DLC1: variants seen among roughly 807,000 people sequenced by gnomAD.
DLC1 encodes the protein rho GTPase-activating protein 7.
Under a neutral mutation model 140.3 loss-of-function variants are expected in DLC1, and 54 were observed. That is an observed-to-expected ratio of 0.38 (90% CI 0.31 to 0.48). The LOEUF (loss-of-function observed/expected upper bound fraction) is 0.48, where lower values mean the gene tolerates loss of function less well. Ranked by LOEUF, DLC1 falls within the 20% of genes least tolerant of loss-of-function variation. DLC1 has a pLI of 0.96. For missense variants in DLC1, 2,536 were observed against 1,907.0 expected (o/e 1.33, Z -6.14); for synonymous variants, 986 against 728.1 (o/e 1.35, Z -5.70).
intron 5 of DLC1, among the ~76,000 whole-genome samples, chr8:13,201,726 A>G (rs1827389508): frequency 6.6e-6 from 1 of 152,104 alleles, no homozygotes. Context: ...TGAACTCCTC[A>G]TCTTTGATAG....
chr8:13,588,222 A>G (rs900069), intron 1 of DLC1, among the ~76,000 whole-genome samples: 6,346 of 152,210 alleles, frequency 0.042, 425 homozygotes, highest in African/African-American at 0.14. Context: ...GGGGTTAAAA[A>G]AATAGACAAA....
chr8:13,181,291 C>T (rs1046716203), intron 5 of DLC1, among the ~76,000 whole-genome samples: 2 of 151,666 alleles, frequency 1.3e-5, no homozygotes, highest in Non-Finnish European at 2.9e-5. Context: ...ACTCAATTGT[C>T]ACTGTCTCAG....
In DLC1 at chr8:13,085,929, C is replaced by T; in HGVS notation, c.4469G>A (p.Gly1490Asp). The change falls in exon 18 of 18, where the codon GGC (glycine) becomes GAC (aspartate). Residue 1490 changes from glycine (G) to aspartate (D), a missense_variant and splice_region_variant. By Grantham distance (94) the Gly-to-Asp change is moderately conservative. Coordinates refer to ENST00000276297, the MANE Select transcript of DLC1 (RefSeq NM_182643.3). ...TTTTGTGTACCATTCTGGCATGTGG[C>T]CCCTATCAGAGAAAAGAAAGAAAAG... is the stretch of plus-strand genomic sequence containing the variant. ...LTYMCRVDLRGHMPEWYTKSF... is the reference protein window; with the variant it reads ...LTYMCRVDLRDHMPEWYTKSF... 6.2e-7 allele frequency: 1 copy of T among 1,612,782 alleles called. No homozygotes were observed. Among genetic ancestry groups the T allele is most frequent in the South Asian group, 1.1e-5 (1 of 90,838 alleles).
At chr8:13,244,297 AT>A (rs60357765) in intron 5 of DLC1, among the ~76,000 whole-genome samples, 10,140 of 135,856 alleles carry the variant, frequency 0.075, 309 homozygotes, top group South Asian at 0.14. Context: ...TCCCTTTCCA[AT>A]TTTTTTTTTT....
chr8:13,320,436 T>A (rs1039300552), intron 4 of DLC1, among the ~76,000 whole-genome samples: 1 of 152,194 alleles, frequency 6.6e-6, no homozygotes, highest in Non-Finnish European at 1.5e-5. Context: ...AAGAAAGCGT[T>A]TGTAGCATAT....
intron 1 of DLC1, chr8:13,535,990 T>C (rs1383883): frequency 0.1 from 15,663 of 152,096 alleles, 1,579 homozygotes; most frequent in East Asian, 0.45. Context: ...TTGGATGTTG[T>C]ACAGAGGTTC....
chr8:13,471,699 A>G (rs1800216373), intron 2 of DLC1, among the ~76,000 whole-genome samples: 1 of 152,170 alleles, frequency 6.6e-6, no homozygotes, highest in South Asian at 2.1e-4. Flanking sequence ...AGTTAAAAAA[A>G]GAGAGAAGGG....
chr8:13,363,095 G>A (rs879481829), intron 4 of DLC1, among the ~76,000 whole-genome samples: 1 of 152,090 alleles, frequency 6.6e-6, no homozygotes, highest in Non-Finnish European at 1.5e-5. Context: ...CTTTGTGGGG[G>A]ATGTAAACAT....
intron 4 of DLC1, among the ~76,000 whole-genome samples, chr8:13,345,238 T>C (rs1299938211): frequency 6.6e-6 from 1 of 152,140 alleles, no homozygotes; most frequent in Non-Finnish European, 1.5e-5. Context: ...GTAAAACTGT[T>C]TCTCCTTCCC....
intron 5 of DLC1, among the ~76,000 whole-genome samples, chr8:13,225,616 ATT>A (rs869199348): frequency 3.8e-3 from 529 of 139,540 alleles, no homozygotes; most frequent in African/African-American, 0.013. Flanking sequence ...TATTTATTTA[ATT>A]TTTTTTTTTT....
chr8:13,599,717 C>A (rs1805806529), intron 1 of DLC1, among the ~76,000 whole-genome samples: 1 of 151,864 alleles, frequency 6.6e-6, no homozygotes, highest in South Asian at 2.1e-4. Flanking sequence ...GTAATGATGT[C>A]AACTCTATCC....
intron 5 of DLC1, among the ~76,000 whole-genome samples, chr8:13,188,824 TATGTATATATATATATATA>T (rs1205488505): frequency 1.2e-4 from 5 of 41,360 alleles, no homozygotes; most frequent in South Asian, 8.1e-4. Context: ...TATATATATA[TATGTATATATATATATATA>T]TTTTTTTTTT....
At chr8:13,339,662 T>C (rs568494343) in intron 4 of DLC1, 94 of 152,276 alleles carry the variant, frequency 6.2e-4, no homozygotes, top group African/African-American at 2.1e-3. Flanking sequence ...ACCTCTAAAA[T>C]TGCATGCCAA....
At chr8:13,332,721 CT>C (rs1159600604) in intron 4 of DLC1, among the ~76,000 whole-genome samples, 3 of 152,096 alleles carry the variant, frequency 2.0e-5, no homozygotes, top group Non-Finnish European at 4.4e-5. Flanking sequence ...GTCTGGCCCA[CT>C]ATTCATGGAT....
chr8:13,359,824 T>C (rs902443418), intron 4 of DLC1, among the ~76,000 whole-genome samples: 2 of 152,206 alleles, frequency 1.3e-5, no homozygotes, highest in Non-Finnish European at 2.9e-5. Context: ...TGAGATGTGA[T>C]TGTAACTTTG....
At chr8:13,205,622 T>A (rs1460357776) in intron 5 of DLC1, among the ~76,000 whole-genome samples, 1 of 151,720 alleles carries the variant, frequency 6.6e-6, no homozygotes, top group Non-Finnish European at 1.5e-5. Flanking sequence ...AAAAAAAAAA[T>A]AGCAAAAAAT....
intron 5 of DLC1, among the ~76,000 whole-genome samples, chr8:13,217,085 C>G (rs533110187): frequency 5.9e-5 from 9 of 152,108 alleles, no homozygotes; most frequent in African/African-American, 2.2e-4. Context: ...CATCTTAATA[C>G]TCCTGGTTAA....
chr8:13,132,825 T>G, intron 5 of DLC1: 1 of 1,276,170 alleles, frequency 7.8e-7, no homozygotes, highest in Non-Finnish European at 1.1e-6. Flanking sequence ...GCAGAAAGCG[T>G]TTAAAGAGCA....
At chr8:13,466,580 A>G (rs1329203418) in intron 2 of DLC1, among the ~76,000 whole-genome samples, 2 of 152,184 alleles carry the variant, frequency 1.3e-5, no homozygotes, top group African/African-American at 4.8e-5. Context: ...CCGTCTACCT[A>G]ATGAAGTATC....
Sources: allele counts gnomAD v4.1 joint callset (sites outside exome capture counted in the v4.1 genomes callset), GRCh38; gene constraint gnomAD v4.1.1; transcripts MANE v1.5; gene names NCBI Gene and HGNC (gene_info 2026-07-23, HGNC 2026-07-21).